Variants in ZNF566 observed in about 807,000 individuals in gnomAD.
ZNF566 encodes zinc finger protein 566.
Under a neutral mutation model 32.8 loss-of-function variants are expected in ZNF566, and 27 were observed. That is an observed-to-expected ratio of 0.82 (90% CI 0.61 to 1.14). The LOEUF (loss-of-function observed/expected upper bound fraction) is 1.14, where lower values mean the gene tolerates loss of function less well. Ranked by LOEUF, ZNF566 falls within the 50% of genes most tolerant of loss-of-function variation. The probability of loss-of-function intolerance (pLI) is 0.00; values close to 1 mark genes in which losing one functional copy is unlikely to be tolerated. For missense variants in ZNF566, 402 were observed against 490.4 expected, an observed-to-expected ratio of 0.82 and a Z score of 1.70; for synonymous variants, 154 against 159.5, an observed-to-expected ratio of 0.97 and a Z score of 0.26.
At position 36,449,705 on chromosome 19, in the gene ZNF566, T is replaced by A; in HGVS notation, c.529A>T (p.Arg177Trp). 3.1e-6 allele frequency: 5 copies of A among 1,614,148 alleles called. No homozygotes were observed. Among genetic ancestry groups the A allele is most frequent in the Non-Finnish European group, 4.2e-6 (5 of 1,180,016 alleles). ...KKKFCASKEYRKTFRHGSQFA... is the reference protein window; with the variant it reads ...KKKFCASKEYWKTFRHGSQFA... ...TGTGAGCCATGTCTAAAGGTTTTCC[T>A]ATATTCTTTAGATGCACAGAATTTC... The change falls in exon 5 of 5, where the codon AGG (arginine) becomes TGG (tryptophan). Residue 177 changes from arginine to tryptophan, a missense_variant. This residue lies in a region of ZNF566 where 220 missense variants were observed against 241.9 expected (regional missense o/e 0.91). Transcript: ENST00000452939.
intron 4 of ZNF566, among the ~76,000 whole-genome samples, chr19:36,466,475 TGA>T (rs1461585831): frequency 6.6e-6 from 1 of 152,180 alleles, no homozygotes; most frequent in Non-Finnish European, 1.5e-5. Flanking sequence ...CATGATTGGT[TGA>T]GTCTGTGGAT....
chr19:36,454,724 A>T (rs1326521971), intron 4 of ZNF566, among the ~76,000 whole-genome samples: 1 of 152,224 alleles, frequency 6.6e-6, no homozygotes, highest in Non-Finnish European at 1.5e-5. Flanking sequence ...TGAGTAGGAT[A>T]GTTCCATCAG....
At chr19:36,482,126 G>C (rs1463447779) in intron 1 of ZNF566, among the ~76,000 whole-genome samples, 1 of 152,180 alleles carries the variant, frequency 6.6e-6, no homozygotes, top group African/African-American at 2.4e-5. Flanking sequence ...TTTATTTTGA[G>C]ACGGAGTCTC....
At chr19:36,454,744 A>C (rs780441308) in intron 4 of ZNF566, among the ~76,000 whole-genome samples, 1 of 152,078 alleles carries the variant, frequency 6.6e-6, no homozygotes, top group Admixed American at 6.6e-5. Context: ...GTAATCAAAA[A>C]CCTCCCAACA....
chr19:36,458,370 C>G (rs2033372347), intron 4 of ZNF566, among the ~76,000 whole-genome samples: 1 of 152,036 alleles, frequency 6.6e-6, no homozygotes, highest in Non-Finnish European at 1.5e-5. Context: ...ATAGATGAAG[C>G]TGGAGGACAT....
At chr19:36,454,328 A>G (rs958169723) in intron 4 of ZNF566, among the ~76,000 whole-genome samples, 3 of 152,180 alleles carry the variant, frequency 2.0e-5, no homozygotes, top group Non-Finnish European at 2.9e-5. Context: ...AAAGACATCA[A>G]ATCATACCAC....
chr19:36,481,197 A>T (rs1252580441), intron 1 of ZNF566, among the ~76,000 whole-genome samples: 1 of 152,088 alleles, frequency 6.6e-6, no homozygotes, highest in African/African-American at 2.4e-5. Flanking sequence ...AGGGCTGGGC[A>T]CAGGGGCTCA....
chr19:36,467,174 G>A lies in ZNF566; in HGVS notation c.232+5737C>T, dbSNP rs972562501. The stretch of plus-strand genomic sequence containing the variant: ...ATTTCAGCTGGGCATGGTGGCTCAC[G>A]CCTGTAATCCCAGCACTTTGGGAGG... On this transcript the variant is annotated intron_variant, in intron 4 of 4. Coordinates refer to ENST00000452939, the MANE Select transcript of ZNF566 (RefSeq NM_001145344.1). 5.9e-5 allele frequency among the ~76,000 whole-genome samples: 9 copies of A among 151,282 alleles called. 1 individual carries two copies. The highest frequency in any genetic ancestry group is 1.2e-4 in the African/African-American group (5 of 40,880).
Position 36,450,110 on chromosome 19 carries a change from A to G in ZNF566, c.233-109T>C, listed in dbSNP as rs965813947. 1.2e-5 allele frequency: 10 copies of G among 851,978 alleles called. No homozygotes were observed. In the African/African-American group the frequency reaches 1.5e-4, roughly 13 times the overall value. The allele number at this position is 851,978 out of a possible 1,614,324, so 52.8% of individuals were successfully genotyped here. A position where few individuals can be genotyped will look rare whatever the true frequency, so the allele number is the denominator to read the frequency against. On this transcript the variant is annotated intron_variant, in intron 4 of 4. Transcript: ENST00000452939. ...GAATTTTTTTTACAAATGGATGAGG[A>G]AAAAAGAGAGTTAGAAGACAGGTTA... is the stretch of plus-strand genomic sequence containing the variant.
At chr19:36,456,380 C>CAAAAAAAAAAAA (rs59964294) in intron 4 of ZNF566, 2 of 96,494 alleles carry the variant, frequency 2.1e-5, no homozygotes, top group African/African-American at 3.9e-5. Flanking sequence ...TACTAAAATA[C>CAAAAAAAAAAAA]AAAAAAAAAA....
At chr19:36,463,229 G>A (rs913532628) in intron 4 of ZNF566, among the ~76,000 whole-genome samples, 1 of 152,064 alleles carries the variant, frequency 6.6e-6, no homozygotes, top group African/African-American at 2.4e-5. Flanking sequence ...CTTGAGCCCA[G>A]GAGGTCCAGA....
Position 36,445,997 on chromosome 19 carries a change from T to C in ZNF566, c.*2980A>G, listed in dbSNP as rs1415008342. 2 of 152,182 alleles carry C rather than the reference T, an allele frequency of 1.3e-5. No individual in the cohort carries two copies. Among genetic ancestry groups the C allele is most frequent in the Non-Finnish European group, 2.9e-5 (2 of 68,030 alleles). The allele number at this position is 152,182 out of a possible 1,614,324, so 9.4% of individuals were successfully genotyped here. On this transcript the variant is annotated 3_prime_UTR_variant, in exon 5 of 5. Transcript: ENST00000452939. ...GAAAAGGCATTGGTAAATAACACTG[T>C]GGAACATACTGTAACCATCAGAAAG...
At chr19:36,464,530 T>A (rs913195247) in intron 4 of ZNF566, among the ~76,000 whole-genome samples, 3 of 152,210 alleles carry the variant, frequency 2.0e-5, no homozygotes, top group Non-Finnish European at 4.4e-5. Context: ...AAAGTTGCAT[T>A]AATAGGTCTT....
At chr19:36,484,471 G>GA (rs2034106830) in intron 1 of ZNF566, among the ~76,000 whole-genome samples, 1 of 151,458 alleles carries the variant, frequency 6.6e-6, no homozygotes, top group Non-Finnish European at 1.5e-5. Flanking sequence ...GATAGAAGGA[G>GA]AAAATCACCG....
At chr19:36,467,812 A>G (rs868556006) in intron 4 of ZNF566, among the ~76,000 whole-genome samples, 2 of 90,360 alleles carry the variant, frequency 2.2e-5, no homozygotes, top group African/African-American at 4.3e-5. Flanking sequence ...AAAAAAAAAA[A>G]AAAAAAAAAA....
At chr19:36,461,529 G>A (rs945920992) in intron 4 of ZNF566, among the ~76,000 whole-genome samples, 2 of 151,970 alleles carry the variant, frequency 1.3e-5, no homozygotes, top group African/African-American at 4.8e-5. Flanking sequence ...AATTAGTTAG[G>A]CTTAGTGGCG....
Position 36,449,800 on chromosome 19 carries a change from G to A in ZNF566, c.434C>T (p.Thr145Ile), listed in dbSNP as rs769545653. The change falls in exon 5 of 5, where the codon ACT becomes ATT. Residue 145 changes from threonine (T) to isoleucine (I), a missense_variant. Transcript: ENST00000452939. ...ACTCAAAGTGGGCAGATCTTCATGA[G>A]TGAATACCAATTGATTGAAATGTCC... ...QGGHFNQLVFTHEDLPTLSHH... is the reference protein window; with the variant it reads ...QGGHFNQLVFIHEDLPTLSHH... 6.2e-7 allele frequency: 1 copy of A among 1,614,004 alleles called. No individual in the cohort carries two copies. Among genetic ancestry groups the A allele is most frequent in the Non-Finnish European group, 8.5e-7 (1 of 1,180,018 alleles).
At chr19:36,476,509 A>G in intron 2 of ZNF566, 40 bp downstream of exon 2, 1 of 1,576,566 alleles carries the variant, frequency 6.3e-7, no homozygotes. Flanking sequence ...TACTAGAAGT[A>G]AAAATCACTC....
chr19:36,483,100 T>C (rs969269789), intron 1 of ZNF566, among the ~76,000 whole-genome samples: 2 of 152,332 alleles, frequency 1.3e-5, no homozygotes, highest in Admixed American at 6.5e-5. Context: ...CTCAGAAGTC[T>C]CATGTTTTCT....
Sources: gnomAD v4.1 joint callset for allele counts (sites outside exome capture counted in the v4.1 genomes callset) on GRCh38, gnomAD v4.1.1 for gene constraint, gnomAD v4.1.1 regional missense constraint, MANE v1.5 for transcripts, NCBI Gene and HGNC (gene_info 2026-07-23, HGNC 2026-07-21) for gene names.